The following HDAC4 variants were observed in gnomAD, a reference collection of about 807,000 sequenced individuals.
HDAC4 encodes histone deacetylase A.
In HDAC4, 16 loss-of-function variants were observed where a neutral mutation model predicts 135.1. The ratio of observed to expected loss-of-function variants is 0.12; its 90% confidence interval spans 0.08 to 0.18. The LOEUF (loss-of-function observed/expected upper bound fraction) is 0.18, where lower values mean the gene tolerates loss of function less well. HDAC4 is among the 10% of genes least tolerant of loss of function. HDAC4 has a pLI of 1.00. For synonymous variants in HDAC4, 685 were observed against 653.4 expected (o/e 1.05, Z -0.74); for missense variants, 1,143 against 1,511.8 (o/e 0.76, Z 4.05).
At position 239,163,488 on chromosome 2, in the gene HDAC4, G is replaced by A. The variant is rs563890856; in HGVS notation, c.611+315C>T. ...GGGGGCCCACCCCGTGAGGATGGCT[G>A]CTGTGGAAGTGTACCCCCAGACCAC... On this transcript the variant is annotated intron_variant, in intron 6 of 26. Transcript: ENST00000543185. Among the ~76,000 whole-genome samples the A allele has an allele frequency of 4.6e-5, 7 of 151,940 alleles. No homozygotes were observed. The South Asian group carries it at 1.5e-3, about 32-fold the overall frequency.
chr2:239,089,396 C>T (rs969855647), intron 18 of HDAC4, among the ~76,000 whole-genome samples: 1 of 152,124 alleles, frequency 6.6e-6, no homozygotes, highest in African/African-American at 2.4e-5. Flanking sequence ...TGGCGTGACT[C>T]GGCTCGCCGC....
rs777669264 is a variant in HDAC4 at position 239,139,768 on chromosome 2, G to A, written c.894C>T (p.Ser298=). The change falls in exon 9 of 27, where the codon TCC becomes TCT. Residue 298 remains serine, a synonymous_variant. Transcript: ENST00000543185. The surrounding 1 kb of genome is among the most constrained non-coding windows in gnomAD (Gnocchi z 5.3). The part of the protein sequence containing the change: ...TDSACSSAPG[S]GPSSPNNSSG... ...AGCTGTTGTTGGGTGAGCTGGGTCC[G>A]GAGCCTGGGGCGCTGCTGCACGCGG... is the stretch of plus-strand genomic sequence containing the variant. 7 of 1,614,090 alleles carry A rather than the reference G, an allele frequency of 4.3e-6. No homozygotes were observed. The highest frequency in any genetic ancestry group is 2.2e-5 in the South Asian group (2 of 91,082).
chr2:239,180,764 C>A (rs758729433), intron 4 of HDAC4, among the ~76,000 whole-genome samples: 4 of 152,214 alleles, frequency 2.6e-5, no homozygotes, highest in Non-Finnish European at 5.9e-5. Flanking sequence ...GCCGCTGCCC[C>A]CCATGGCCCA....
intron 2 of HDAC4, among the ~76,000 whole-genome samples, chr2:239,337,512 G>A (rs1398707708): frequency 3.3e-5 from 5 of 152,098 alleles, no homozygotes; most frequent in Admixed American, 6.5e-5. Flanking sequence ...GCCTAAATCC[G>A]GCAAGCGAGG....
intron 7 of HDAC4, among the ~76,000 whole-genome samples, chr2:239,148,006 G>C (rs192813700): frequency 3.3e-5 from 5 of 152,346 alleles, no homozygotes; most frequent in Non-Finnish European, 5.9e-5. Flanking sequence ...TTTACAGAGG[G>C]GACAGGCGTG....
At chr2:239,275,360 T>C (rs1301958751) in intron 2 of HDAC4, among the ~76,000 whole-genome samples, 1 of 152,232 alleles carries the variant, frequency 6.6e-6, no homozygotes, top group Non-Finnish European at 1.5e-5. Flanking sequence ...GATTCATAAC[T>C]GTCCAAGCAC....
chr2:239,100,758 T>A (rs542423957), intron 16 of HDAC4, among the ~76,000 whole-genome samples: 1 of 152,158 alleles, frequency 6.6e-6, no homozygotes, highest in South Asian at 2.1e-4. Context: ...AGGGGTCTCC[T>A]GTCTGCTTGG....
chr2:239,397,760 A>T (rs1696663746), intron 1 of HDAC4, among the ~76,000 whole-genome samples: 1 of 152,222 alleles, frequency 6.6e-6, no homozygotes, highest in South Asian at 2.1e-4. Context: ...ACTTGTTCCC[A>T]CAGAAACGCT....
chr2:239,351,273 T>C (rs1174577469), intron 2 of HDAC4, among the ~76,000 whole-genome samples: 2 of 152,198 alleles, frequency 1.3e-5, no homozygotes, highest in African/African-American at 4.8e-5. Flanking sequence ...TACAACCACA[T>C]AAATATCCAT....
chr2:239,118,150 G>A (rs931032352), intron 12 of HDAC4, among the ~76,000 whole-genome samples: 1 of 152,196 alleles, frequency 6.6e-6, no homozygotes, highest in Non-Finnish European at 1.5e-5. Context: ...GCCCTGCTGT[G>A]CCTCACTGTG....
At position 239,126,706 on chromosome 2, in the gene HDAC4, T is replaced by C. The variant is rs1047805688; in HGVS notation, c.1295-12A>G. 6.2e-7 allele frequency: 1 copy of C among 1,612,502 alleles called. No individual in the cohort carries two copies. The highest frequency in any genetic ancestry group is 8.5e-7 in the Non-Finnish European group (1 of 1,179,602). ...TGAAAGATACCAGTCTGAAGATAAT[T>C]GGAGGAAGAAACAGCAGAGGGGAAG... On this transcript the variant is annotated splice_polypyrimidine_tract_variant and intron_variant, in intron 11 of 26. Transcript: ENST00000543185.
chr2:239,082,350 A>G, intron 20 of HDAC4, 129 bp from the exon 21 acceptor site: 1 of 1,266,100 alleles, frequency 7.9e-7, no homozygotes, highest in Non-Finnish European at 1.1e-6. Flanking sequence ...ATTACCCTCC[A>G]GCTGGGCCCG....
At chr2:239,259,930 A>T (rs1026683286) in intron 2 of HDAC4, among the ~76,000 whole-genome samples, 2 of 152,228 alleles carry the variant, frequency 1.3e-5, no homozygotes, top group Admixed American at 6.5e-5. Context: ...CACAGAGGGC[A>T]TCTGACAGCC....
chr2:239,179,959 G>A (rs1400177815), intron 4 of HDAC4, among the ~76,000 whole-genome samples: 1 of 152,236 alleles, frequency 6.6e-6, no homozygotes, highest in Admixed American at 6.5e-5. Context: ...GCGTGGGATT[G>A]AGCATGTGTG....
chr2:239,156,649 G>A lies in HDAC4; in HGVS notation c.733+3C>T. 2.5e-6 allele frequency: 4 copies of A among 1,614,102 alleles called. No homozygotes were observed. The highest frequency in any genetic ancestry group is 1.1e-5 in the South Asian group (1 of 91,074). On this transcript the variant is annotated splice_donor_region_variant and intron_variant, in intron 7 of 26. Coordinates refer to ENST00000543185, the MANE Select transcript of HDAC4 (RefSeq NM_001378414.1). ...CCGGCCCACAGCATGCCTGGGCACT[G>A]ACCTGTTTTCCTAAGAGGGAAGTCA...
intron 2 of HDAC4, chr2:239,298,519 G>T: frequency 7.7e-6 from 8 of 1,044,718 alleles, no homozygotes; most frequent in Non-Finnish European, 9.3e-6. Context: ...CTCTACAGGG[G>T]CCTCCTCATT....
At chr2:239,273,810 C>T (rs1485392652) in intron 2 of HDAC4, among the ~76,000 whole-genome samples, 2 of 152,218 alleles carry the variant, frequency 1.3e-5, no homozygotes, top group Non-Finnish European at 2.9e-5. Context: ...CGGCTGTGTC[C>T]ATCACAAGTG....
intron 2 of HDAC4, among the ~76,000 whole-genome samples, chr2:239,268,805 C>T (rs1188458871): frequency 6.6e-6 from 1 of 152,222 alleles, no homozygotes; most frequent in Non-Finnish European, 1.5e-5. Flanking sequence ...CAGGGTCAGA[C>T]AGGCAAGCTT....
chr2:239,118,725 G>A (rs2039366787), intron 12 of HDAC4, among the ~76,000 whole-genome samples: 1 of 152,146 alleles, frequency 6.6e-6, no homozygotes, highest in Non-Finnish European at 1.5e-5. Flanking sequence ...ACATGCGACT[G>A]TTTCCGGTTA....
Sources: gnomAD v4.1 joint callset for allele counts (sites outside exome capture counted in the v4.1 genomes callset) on GRCh38, gnomAD v4.1.1 for gene constraint, Gnocchi (gnomAD v3.1) non-coding constraint, MANE v1.5 for transcripts, NCBI Gene and HGNC (gene_info 2026-07-23, HGNC 2026-07-21) for gene names.